The following ADAMTS17 variants were observed in gnomAD, a reference collection of about 807,000 sequenced individuals.
ADAMTS17 encodes the protein ADAM metallopeptidase with thrombospondin type 1 motif 17, also known as A disintegrin and metalloproteinase with thrombospondin motifs 17.
A neutral mutation model predicts 141.5 loss-of-function variants in ADAMTS17; 113 were observed. The ratio of observed to expected loss-of-function variants is 0.80; its 90% confidence interval spans 0.69 to 0.93. The LOEUF is 0.93. Ranked by LOEUF, ADAMTS17 falls within the 40% of genes least tolerant of loss-of-function variation. The pLI is 0.00. For synonymous variants in ADAMTS17, 768 were observed against 630.6 expected, an observed-to-expected ratio of 1.22 and a Z score of -3.27; for missense variants, 1,659 against 1,517.9, an observed-to-expected ratio of 1.09 and a Z score of -1.54.
At chr15:100,069,841 A>G (rs1489384738) in intron 15 of ADAMTS17, among the ~76,000 whole-genome samples, 1 of 150,368 alleles carries the variant, frequency 6.7e-6, no homozygotes, top group Non-Finnish European at 1.5e-5. Context: ...CCAACTAACG[A>G]GCAAAATATC....
At chr15:100,052,289 G>A (rs1263587863) in intron 16 of ADAMTS17, among the ~76,000 whole-genome samples, 1 of 152,242 alleles carries the variant, frequency 6.6e-6, no homozygotes, top group African/African-American at 2.4e-5. Flanking sequence ...TGGTGATACT[G>A]ATTCTGCAAA....
At chr15:100,043,342 G>A (rs541092720) in intron 18 of ADAMTS17, among the ~76,000 whole-genome samples, 22 of 152,320 alleles carry the variant, frequency 1.4e-4, no homozygotes, top group African/African-American at 5.3e-4. Context: ...CAGTCAGGAA[G>A]GGAGTGTAAG....
At chr15:100,271,401 G>C (rs565265725) in intron 4 of ADAMTS17, among the ~76,000 whole-genome samples, 1 of 151,934 alleles carries the variant, frequency 6.6e-6, no homozygotes, top group Admixed American at 6.6e-5. Context: ...TTTTGTTTTG[G>C]TGTTTTATTT....
intron 8 of ADAMTS17, among the ~76,000 whole-genome samples, chr15:100,177,671 G>A (rs923138318): frequency 4.6e-5 from 7 of 152,316 alleles, no homozygotes; most frequent in African/African-American, 1.7e-4. Context: ...GTTGGTTGAT[G>A]TTTGGTTCTA....
chr15:100,064,655 G>A (rs1019861700), intron 15 of ADAMTS17, among the ~76,000 whole-genome samples: 4 of 152,052 alleles, frequency 2.6e-5, no homozygotes, highest in Admixed American at 6.6e-5. Flanking sequence ...GTATAGTTTT[G>A]TCCATTTCCT....
rs1260604743 is a variant in ADAMTS17 at position 100,099,000 on chromosome 15, TCTGG to T, written c.2017-2528_2017-2525del. 2.1e-3 allele frequency among the ~76,000 whole-genome samples: 325 copies of T among 152,348 alleles called. 2 individuals carry two copies. Among genetic ancestry groups the T allele is most frequent in the African/African-American group, 7.3e-3 (305 of 41,584 alleles). ...CACCCTTGCTTGGTAGGAGTGAGTC[TCTGG>T]CTTCAGGCCTGGTTCCTTGTCCTGC... On this transcript the variant is annotated intron_variant, in intron 14 of 21. Transcript: ENST00000268070.
At position 100,162,370 on chromosome 15, in the gene ADAMTS17, T is replaced by A. The variant is rs375142964; in HGVS notation, c.1182-7050A>T. ...ATACCTATATATAACTATATAGTTA[T>A]ATATATGTTATATATATAACTATCT... On this transcript the variant is annotated intron_variant, in intron 8 of 21. Transcript: ENST00000268070. Among the ~76,000 whole-genome samples the A allele has an allele frequency of 2.5e-3, 373 of 147,732 alleles. 2 individuals are homozygous for A. Among genetic ancestry groups the A allele is most frequent in the Non-Finnish European group, 4.8e-3 (321 of 67,036 alleles).
intron 19 of ADAMTS17, among the ~76,000 whole-genome samples, chr15:99,996,044 G>A (rs777726960): frequency 2.0e-5 from 3 of 150,678 alleles, no homozygotes; most frequent in Non-Finnish European, 4.4e-5. Context: ...CATAAAAAGA[G>A]TCTGAGTGGA....
chr15:100,269,926 T>C (rs1436721788), intron 4 of ADAMTS17, among the ~76,000 whole-genome samples: 2 of 152,212 alleles, frequency 1.3e-5, no homozygotes, highest in African/African-American at 4.8e-5. Flanking sequence ...CCAGCCCCTG[T>C]TGCTTGTAAT....
chr15:100,159,960 G>A (rs1370639618), intron 8 of ADAMTS17, among the ~76,000 whole-genome samples: 2 of 152,182 alleles, frequency 1.3e-5, no homozygotes, highest in Non-Finnish European at 2.9e-5. Flanking sequence ...GCTGCGTTCT[G>A]GGGAAAATCA....
rs541631909 is a variant in ADAMTS17 at position 100,088,606 on chromosome 15, T to C, written c.2137+7750A>G. On this transcript the variant is annotated intron_variant, in intron 15 of 21. Transcript: ENST00000268070. ...TTCAAACTATACTACAAGGCTACAGTAACCAAAACAGCATGGTACTGGTAC... is the reference window on the plus strand; with the variant it reads ...TTCAAACTATACTACAAGGCTACAGCAACCAAAACAGCATGGTACTGGTAC... Among the ~76,000 whole-genome samples, 379 of 152,124 alleles carry C rather than the reference T, an allele frequency of 2.5e-3. 2 individuals carry two copies. Among genetic ancestry groups the C allele is most frequent in the African/African-American group, 8.7e-3 (361 of 41,456 alleles).
intron 13 of ADAMTS17, 103 bp downstream of exon 13, chr15:100,116,744 G>T: frequency 6.6e-7 from 1 of 1,518,356 alleles, no homozygotes; most frequent in Non-Finnish European, 9.1e-7. Context: ...TGTCTTGCTG[G>T]GTTGGTTTGG....
intron 8 of ADAMTS17, among the ~76,000 whole-genome samples, chr15:100,165,800 G>T (rs1421050954): frequency 2.0e-5 from 3 of 152,168 alleles, no homozygotes; most frequent in Non-Finnish European, 4.4e-5. Context: ...AGGTGAAAAG[G>T]CTGTAGGATG....
Position 100,131,990 on chromosome 15 carries a change from C to G in ADAMTS17, c.1721+17G>C. ...CCAATCGTGGCACGTTGGGGTATGG[C>G]TGGTCAGGGGACTTACGGGGGGTTG... On this transcript the variant is annotated intron_variant, in intron 12 of 21. Coordinates refer to ENST00000268070, the MANE Select transcript of ADAMTS17 (RefSeq NM_139057.4). 6.2e-7 allele frequency: 1 copy of G among 1,614,242 alleles called. No individual in the cohort carries two copies. The highest frequency in any genetic ancestry group is 8.5e-7 in the Non-Finnish European group (1 of 1,180,044).
At chr15:100,236,390 C>T (rs766701093) in intron 7 of ADAMTS17, among the ~76,000 whole-genome samples, 2 of 151,916 alleles carry the variant, frequency 1.3e-5, no homozygotes, top group Non-Finnish European at 2.9e-5. Flanking sequence ...CATAGCCCTG[C>T]CCAGGCCCAC....
At chr15:100,026,980 T>A (rs2061526572) in intron 18 of ADAMTS17, among the ~76,000 whole-genome samples, 1 of 152,250 alleles carries the variant, frequency 6.6e-6, no homozygotes, top group African/African-American at 2.4e-5. Flanking sequence ...CTTTTCTATT[T>A]CAATCAGTCT....
intron 7 of ADAMTS17, among the ~76,000 whole-genome samples, chr15:100,199,656 C>T (rs1334927717): frequency 6.6e-6 from 1 of 152,172 alleles, no homozygotes; most frequent in East Asian, 1.9e-4. Flanking sequence ...CGGGGGTGTG[C>T]TGAGTAGAGT....
intron 2 of ADAMTS17, among the ~76,000 whole-genome samples, chr15:100,337,154 G>T (rs779385206): frequency 7.2e-5 from 11 of 152,204 alleles, no homozygotes; most frequent in Non-Finnish European, 2.9e-5. Context: ...GATTACAGGC[G>T]TAAGCCACCG....
chr15:100,171,262 C>T (rs1345596489), intron 8 of ADAMTS17, among the ~76,000 whole-genome samples: 1 of 152,166 alleles, frequency 6.6e-6, no homozygotes, highest in African/African-American at 2.4e-5. Flanking sequence ...CTTCCTGCTC[C>T]TAATGGCCTT....
Sources: gnomAD v4.1 joint callset for allele counts (sites outside exome capture counted in the v4.1 genomes callset) on GRCh38, gnomAD v4.1.1 for gene constraint, MANE v1.5 for transcripts, NCBI Gene and HGNC (gene_info 2026-07-23, HGNC 2026-07-21) for gene names.